Variants in RGS12 observed in about 807,000 individuals in gnomAD.
The protein encoded by RGS12 is regulator of G-protein signaling 12.
A neutral mutation model predicts 120.1 loss-of-function variants in RGS12; 66 were observed. That is an observed-to-expected ratio of 0.55 (90% confidence interval 0.45 to 0.67). The LOEUF is 0.67. Ranked by LOEUF, RGS12 falls within the 30% of genes least tolerant of loss-of-function variation. The pLI, the probability that RGS12 is intolerant of heterozygous loss-of-function variation, is 0.00. For missense variants in RGS12, 1,859 were observed against 1,957.7 expected (o/e 0.95, Z 0.95); for synonymous variants, 827 against 804.7 (o/e 1.03, Z -0.47).
chr4:3,364,491 T>C (rs1040351450), intron 3 of RGS12, among the ~76,000 whole-genome samples: 1 of 152,082 alleles, frequency 6.6e-6, no homozygotes, highest in Admixed American at 6.5e-5. Flanking sequence ...GTCCTGCCTT[T>C]GGGAGCTTGC....
chr4:3,374,862 C>T lies in RGS12; in HGVS notation c.1999-11554C>T, dbSNP rs1717466276. On this transcript the variant is annotated intron_variant, in intron 3 of 17. Transcript: ENST00000336727. The surrounding 1 kb of genome is among the most constrained non-coding windows in gnomAD (Gnocchi z 6.3). ...TGCTCTTTGCCCCATGGCTTTCTGC[C>T]TTGGACTGGGCTCTGCGGGGCAGGG... Among the ~76,000 whole-genome samples the T allele has an allele frequency of 6.6e-6, 1 of 152,186 alleles. No individual in the cohort carries two copies. The highest frequency in any genetic ancestry group is 2.4e-5 in the African/African-American group (1 of 41,446).
At chr4:3,333,129 G>A (rs192734998) in intron 2 of RGS12, among the ~76,000 whole-genome samples, 5 of 150,238 alleles carry the variant, frequency 3.3e-5, no homozygotes, top group African/African-American at 1.2e-4. Flanking sequence ...GCTCACTGCA[G>A]GCTCCGTCCC....
At chr4:3,353,500 G>A (rs1307151902) in intron 3 of RGS12, among the ~76,000 whole-genome samples, 1 of 152,164 alleles carries the variant, frequency 6.6e-6, no homozygotes, top group Non-Finnish European at 1.5e-5. Context: ...GTATGACAGG[G>A]ACTACCACTT....
intron 14 of RGS12, among the ~76,000 whole-genome samples, chr4:3,427,349 C>T (rs866622625): frequency 1.3e-5 from 2 of 152,334 alleles, no homozygotes; most frequent in African/African-American, 4.8e-5. Context: ...CGCGACTCCT[C>T]CAGTCACATT....
chr4:3,347,045 C>G (rs1023258082), intron 3 of RGS12, among the ~76,000 whole-genome samples: 1 of 151,306 alleles, frequency 6.6e-6, no homozygotes, highest in Admixed American at 6.6e-5. Context: ...TGAACAGTTT[C>G]CAAATTTTGG....
At chr4:3,437,504 T>C (rs73193399) in intron 17 of RGS12, among the ~76,000 whole-genome samples, 4,507 of 152,258 alleles carry the variant, frequency 0.03, 99 homozygotes, top group South Asian at 0.06. Flanking sequence ...CCCCACACGA[T>C]ATCTCCCAGC....
At chr4:3,337,299 A>G (rs1021393323) in intron 2 of RGS12, among the ~76,000 whole-genome samples, 3 of 152,222 alleles carry the variant, frequency 2.0e-5, no homozygotes, top group African/African-American at 7.2e-5. Context: ...CACCATGGGA[A>G]ACAGTGTGGT....
rs1713038358 is a variant in RGS12 at position 3,341,081 on chromosome 4, C to T, written c.1882-1856C>T. 4.6e-5 allele frequency among the ~76,000 whole-genome samples: 7 copies of T among 150,886 alleles called. No individual in the cohort carries two copies. The South Asian group carries it at 6.4e-4, about 14-fold the overall frequency. ...TGGCGTCCCTCCCCGAGCATCCTCT[C>T]GTGTTCCCGGCAGCCACAGCCCCTG... On this transcript the variant is annotated intron_variant, in intron 2 of 17. Coordinates refer to ENST00000336727, the MANE Select transcript of RGS12 (RefSeq NM_001394154.1).
chr4:3,386,898 G>A (rs1371999623), intron 4 of RGS12, among the ~76,000 whole-genome samples: 2 of 152,170 alleles, frequency 1.3e-5, no homozygotes, highest in African/African-American at 4.8e-5. Context: ...GGATGAAGAG[G>A]AATCAAAAAC....
chr4:3,396,168 G>A (rs1047840186), intron 4 of RGS12, among the ~76,000 whole-genome samples: 8 of 151,924 alleles, frequency 5.3e-5, no homozygotes, highest in Admixed American at 2.0e-4. Flanking sequence ...CTGTGGGTGC[G>A]GAGGGCTGGC....
intron 2 of RGS12, among the ~76,000 whole-genome samples, chr4:3,339,125 CTT>C (rs1442599215): frequency 6.6e-6 from 1 of 152,156 alleles, no homozygotes. Context: ...GTCAGACATC[CTT>C]TCTTTTGCCT....
At position 3,417,439 on chromosome 4, in the gene RGS12, G is replaced by A. The variant is rs1407590322; in HGVS notation, c.2659G>A (p.Glu887Lys). The A allele has an allele frequency of 6.2e-7, 1 of 1,607,554 alleles. No homozygotes were observed. The highest frequency in any genetic ancestry group is 1.1e-5 in the South Asian group (1 of 90,840). ...ATCCCTGAATGAAGAGCTGGGGGAT[G>A]AGGACAGCGAGAAGAAGCGGAAAGG... ...GRSLNEELGDEDSEKKRKGAF... is the reference protein window; with the variant it reads ...GRSLNEELGDKDSEKKRKGAF... The change falls in exon 9 of 18, where the codon GAG becomes AAG. Residue 887 changes from glutamate to lysine, a missense_variant. By Grantham distance (56) the Glu-to-Lys change is moderately conservative. This residue lies in a region of RGS12 where 375 missense variants were observed against 475.0 expected (regional missense o/e 0.79). Coordinates refer to ENST00000336727, the MANE Select transcript of RGS12 (RefSeq NM_001394154.1).
chr4:3,295,670 A>C (rs1395671138), intron 1 of RGS12, among the ~76,000 whole-genome samples: 1 of 151,438 alleles, frequency 6.6e-6, no homozygotes, highest in Non-Finnish European at 1.5e-5. Context: ...CAAAAAAAAA[A>C]AAAAAAAAAA....
intron 1 of RGS12, among the ~76,000 whole-genome samples, chr4:3,302,194 C>G (rs1723721009): frequency 6.6e-6 from 1 of 152,224 alleles, no homozygotes; most frequent in Non-Finnish European, 1.5e-5. Flanking sequence ...GAAGTTTCAT[C>G]AGCTGTGGCG....
chr4:3,436,342 C>T (rs1329515236), intron 17 of RGS12, among the ~76,000 whole-genome samples: 5 of 152,182 alleles, frequency 3.3e-5, no homozygotes, highest in East Asian at 1.9e-4. Flanking sequence ...CAGTGTGAGC[C>T]GGCTCAGCCT....
rs757943833 is a variant in RGS12, at chr4:3,317,023, A to G, written c.853A>G (p.Thr285Ala). The change falls in exon 2 of 18, where the codon ACT becomes GCT. Residue 285 changes from threonine (T) to alanine (A), a missense_variant. Physicochemically the swap from Thr to Ala is moderately conservative, Grantham distance 58 (BLOSUM62 0). Coordinates refer to ENST00000336727, the MANE Select transcript of RGS12 (RefSeq NM_001394154.1). ...KIMHDCVQLS[T>A]DKAGVVAEYP... The stretch of plus-strand genomic sequence containing the variant: ...CATGCACGACTGTGTGCAGCTGAGC[A>G]CTGACAAGGCTGGAGTCGTGGCCGA... 4 of 1,613,758 alleles carry G rather than the reference A, an allele frequency of 2.5e-6. No individual in the cohort carries two copies. Among genetic ancestry groups the G allele is most frequent in the Non-Finnish European group, 3.4e-6 (4 of 1,180,022 alleles).
intron 6 of RGS12, among the ~76,000 whole-genome samples, chr4:3,415,625 G>T (rs891488675): frequency 6.6e-6 from 1 of 152,176 alleles, no homozygotes; most frequent in Non-Finnish European, 1.5e-5. Context: ...TCCAGGCTTC[G>T]GGGCTGCTTT....
Position 3,342,987 on chromosome 4 carries a change from G to T in RGS12, c.1932G>T (p.Thr644=), listed in dbSNP as rs1334932193. The change falls in exon 3 of 18, where the codon ACG becomes ACT. Residue 644 remains threonine (T), a synonymous_variant. Transcript: ENST00000336727. The part of the protein sequence containing the change: ...GTGLTQPSQR[T]SARRSFGRSK... Reference sequence around the variant, plus strand: ...GACTCACTCAGCCTTCTCAACGCACGTCTGCTCGGAGATCATTTGGGAGAT... The same window carrying T: ...GACTCACTCAGCCTTCTCAACGCACTTCTGCTCGGAGATCATTTGGGAGAT... The T allele has an allele frequency of 1.2e-6, 2 of 1,613,856 alleles. No homozygotes were observed. The highest frequency in any genetic ancestry group is 2.2e-5 in the South Asian group (2 of 91,074).
chr4:3,387,196 C>A (rs564594065), intron 4 of RGS12, among the ~76,000 whole-genome samples: 2 of 152,226 alleles, frequency 1.3e-5, no homozygotes, highest in Non-Finnish European at 2.9e-5. Context: ...CACCTGGCAT[C>A]GCTGTGGGCC....
Sources: gnomAD v4.1 joint callset for allele counts (sites outside exome capture counted in the v4.1 genomes callset) on GRCh38, gnomAD v4.1.1 for gene constraint, gnomAD v4.1.1 regional missense constraint, Gnocchi (gnomAD v3.1) non-coding constraint, MANE v1.5 for transcripts, NCBI Gene and HGNC (gene_info 2026-07-23, HGNC 2026-07-21) for gene names.